Variants in AOPEP observed in about 807,000 individuals in gnomAD.
AOPEP encodes the protein aminopeptidase O.
In AOPEP, 77 loss-of-function variants were observed where a neutral mutation model predicts 98.1. The observed-to-expected ratio is 0.78, with a 90% CI of 0.65 to 0.95. The LOEUF is 0.95. Among genes scored for constraint, AOPEP ranks in the 40% least tolerant of loss-of-function variants. The pLI, the probability that AOPEP is intolerant of heterozygous loss-of-function variation, is 0.00. For synonymous variants in AOPEP, 346 were observed against 365.3 expected (o/e 0.95, Z 0.60); for missense variants, 1,024 against 1,024.7 (o/e 1.00, Z 0.01).
chr9:95,018,442 A>G (rs1285933201), intron 13 of AOPEP, among the ~76,000 whole-genome samples: 1 of 152,200 alleles, frequency 6.6e-6, no homozygotes, highest in Non-Finnish European at 1.5e-5. Context: ...ACCAGAAGGC[A>G]TTGGCCCAGT....
intron 4 of AOPEP, among the ~76,000 whole-genome samples, chr9:94,799,276 T>C (rs1211668796): frequency 6.6e-6 from 1 of 152,204 alleles, no homozygotes; most frequent in African/African-American, 2.4e-5. Flanking sequence ...TATAATTGGC[T>C]GGGTGCAGTG....
chr9:94,860,421 G>A (rs1371894978), intron 5 of AOPEP, among the ~76,000 whole-genome samples: 3 of 152,150 alleles, frequency 2.0e-5, no homozygotes, highest in Admixed American at 1.3e-4. Context: ...TGGGCAGGTC[G>A]TGACCTGGCT....
chr9:94,903,202 T>C (rs912525976), intron 5 of AOPEP, among the ~76,000 whole-genome samples: 1 of 151,704 alleles, frequency 6.6e-6, no homozygotes, highest in East Asian at 2.0e-4. Flanking sequence ...AGGCTGGTCT[T>C]GAATTCCTGA....
At chr9:95,118,507 C>T in the AOPEP span, among the ~76,000 whole-genome samples, 1 of 152,202 alleles carries the variant, frequency 6.6e-6, no homozygotes, top group African/African-American at 2.4e-5. Flanking sequence ...ATCCATGTGA[C>T]CACCACCCCA....
Position 95,012,992 on chromosome 9 carries a change from G to GGA in AOPEP, c.2115+7377_2115+7378insAG, listed in dbSNP as rs1554803928. On this transcript the variant is annotated intron_variant, in intron 13 of 16. Transcript: ENST00000375315. ...GAGTTTTCCTGTTTTTTTTTTGGGGGGGGGGGCAGGGCGATTATCTCTTAT... is the reference window on the plus strand; with the variant it reads ...GAGTTTTCCTGTTTTTTTTTTGGGGGGAGGGGGGCAGGGCGATTATCTCTTAT... Among the ~76,000 whole-genome samples the GGA allele has an allele frequency of 2.0e-4, 28 of 138,688 alleles. 1 individual carries two copies. The highest frequency in any genetic ancestry group is 4.7e-5 in the Non-Finnish European group (3 of 64,178). The allele number at this position is 138,688 out of a possible 152,430, so 91.0% of individuals were successfully genotyped here. A position where few individuals can be genotyped will look rare whatever the true frequency, so the allele number is the denominator to read the frequency against.
chr9:94,833,120 G>A (rs189430295), intron 5 of AOPEP, among the ~76,000 whole-genome samples: 8 of 151,472 alleles, frequency 5.3e-5, no homozygotes, highest in Non-Finnish European at 5.9e-5. Flanking sequence ...GTTTTGAGTA[G>A]AGATGGGGTT....
At chr9:94,731,790 CTTTTTTTTTTTT>C (rs564831468) in intron 1 of AOPEP, among the ~76,000 whole-genome samples, 2 of 86,290 alleles carry the variant, frequency 2.3e-5, no homozygotes, top group Non-Finnish European at 4.3e-5. Flanking sequence ...TCTCTTTTGC[CTTTTTTTTTTTT>C]TTTTTTTTTT....
chr9:94,899,804 C>T (rs1473515369), intron 5 of AOPEP, among the ~76,000 whole-genome samples: 1 of 151,876 alleles, frequency 6.6e-6, no homozygotes, highest in Non-Finnish European at 1.5e-5. Flanking sequence ...GAAATTGGAA[C>T]AAAGTACAGA....
chr9:94,858,327 ATTCTATATTAG>A (rs1241987664), intron 5 of AOPEP, among the ~76,000 whole-genome samples: 3 of 152,002 alleles, frequency 2.0e-5, no homozygotes, highest in Non-Finnish European at 4.4e-5. Context: ...AACGTTATGG[ATTCTATATTAG>A]TTTCCTGTGT....
chr9:94,819,557 G>A (rs976912226), intron 5 of AOPEP, among the ~76,000 whole-genome samples: 8 of 152,296 alleles, frequency 5.3e-5, no homozygotes, highest in African/African-American at 1.9e-4. Flanking sequence ...AATGTCTCAA[G>A]ACACTTTGCA....
chr9:95,047,988 C>T (rs1297437744), intron 13 of AOPEP, among the ~76,000 whole-genome samples: 1 of 152,144 alleles, frequency 6.6e-6, no homozygotes, highest in African/African-American at 2.4e-5. Flanking sequence ...GTTTGTTGCT[C>T]TTTTATTCAC....
Position 95,086,876 on chromosome 9 carries a change from C to T in AOPEP, c.*199C>T, listed in dbSNP as rs945319934. 52 of 987,808 alleles carry T rather than the reference C, an allele frequency of 5.3e-5. No homozygotes were observed. The highest frequency in any genetic ancestry group is 6.1e-5 in the Admixed American group (1 of 16,276). 61.2% of individuals were successfully genotyped at this position (987,808 alleles called of 1,614,324 possible). ...CACACAAAAGGCAGATTCTCGTAAA[C>T]GCAGCCTCCCTCCCTGGAGGCTGCC... On this transcript the variant is annotated 3_prime_UTR_variant, in exon 17 of 17. Transcript: ENST00000375315.
intron 10 of AOPEP, among the ~76,000 whole-genome samples, chr9:94,969,804 C>T (rs1269167953): frequency 6.6e-6 from 1 of 152,216 alleles, no homozygotes; most frequent in East Asian, 1.9e-4. Flanking sequence ...TTGCTTGCCT[C>T]ATTTCTGACC....
intron 13 of AOPEP, among the ~76,000 whole-genome samples, chr9:95,040,259 C>T (rs1404820294): frequency 6.6e-6 from 1 of 152,250 alleles, no homozygotes; most frequent in Non-Finnish European, 1.5e-5. Context: ...TTTGCTTTCC[C>T]ATCCTCTGTA....
intron 5 of AOPEP, among the ~76,000 whole-genome samples, chr9:94,905,292 T>C (rs2050971033): frequency 6.6e-6 from 1 of 152,202 alleles, no homozygotes; most frequent in Non-Finnish European, 1.5e-5. Flanking sequence ...TCAAGAGCAA[T>C]CAATAATCTT....
chr9:95,014,303 G>GAAA (rs997841535), intron 13 of AOPEP, among the ~76,000 whole-genome samples: 1 of 147,544 alleles, frequency 6.8e-6, no homozygotes, highest in African/African-American at 2.5e-5. Flanking sequence ...CCCATCTCTA[G>GAAA]AAAAAAAAAA....
chr9:94,969,790 A>G (rs2059428486), intron 10 of AOPEP, among the ~76,000 whole-genome samples: 1 of 152,244 alleles, frequency 6.6e-6, no homozygotes, highest in Admixed American at 6.5e-5. Flanking sequence ...AAGAAGAGTT[A>G]ACATTGCTTG....
chr9:95,093,502 T>C, the AOPEP span, among the ~76,000 whole-genome samples: 1 of 152,192 alleles, frequency 6.6e-6, no homozygotes, highest in African/African-American at 2.4e-5. Flanking sequence ...AGCCCTCTCT[T>C]AGAGCAAACA....
chr9:95,027,931 G>A (rs1313117893), intron 13 of AOPEP, among the ~76,000 whole-genome samples: 4 of 152,152 alleles, frequency 2.6e-5, no homozygotes, highest in African/African-American at 7.2e-5. Flanking sequence ...AGAGCATTCC[G>A]GTGAAATAAC....
Sources: gnomAD v4.1 joint callset for allele counts (sites outside exome capture counted in the v4.1 genomes callset) on GRCh38, gnomAD v4.1.1 for gene constraint, MANE v1.5 for transcripts, NCBI Gene and HGNC (gene_info 2026-07-23, HGNC 2026-07-21) for gene names.